The following IFNGR1 variants were observed in gnomAD, a reference collection of about 807,000 sequenced individuals.
IFNGR1 encodes the protein AVP, type 2.
In IFNGR1, 23 loss-of-function variants were observed where a neutral mutation model predicts 35.4. That is an observed-to-expected ratio of 0.65 (90% CI 0.47 to 0.92). IFNGR1 has a LOEUF of 0.92. Ranked by LOEUF, IFNGR1 falls within the 40% of genes least tolerant of loss-of-function variation. IFNGR1 has a pLI of 0.00. For missense variants in IFNGR1, 533 were observed against 583.4 expected (o/e 0.91, Z 0.89); for synonymous variants, 199 against 209.5 (o/e 0.95, Z 0.43).
In IFNGR1 at chr6:137,197,918, T is replaced by C. The variant is rs1223593817; in HGVS notation, c.*113A>G. On this transcript the variant is annotated 3_prime_UTR_variant, in exon 7 of 7. Transcript: ENST00000367739. ...CTTTCATGTACACTAAGTCACTCCATTTGGTTGATACCAACTAAGATACAA... is the reference window on the plus strand; with the variant it reads ...CTTTCATGTACACTAAGTCACTCCACTTGGTTGATACCAACTAAGATACAA... 5 of 1,413,102 alleles carry C rather than the reference T, an allele frequency of 3.5e-6. No individual in the cohort carries two copies. The highest frequency in any genetic ancestry group is 1.2e-5 in the South Asian group (1 of 85,286). The allele number at this position is 1,413,102 out of a possible 1,614,324, so 87.5% of individuals were successfully genotyped here. A position where few individuals can be genotyped will look rare whatever the true frequency, so the allele number is the denominator to read the frequency against.
At chr6:137,208,103 C>T (rs1779485327) in intron 1 of IFNGR1, among the ~76,000 whole-genome samples, 2 of 152,232 alleles carry the variant, frequency 1.3e-5, no homozygotes, top group Admixed American at 1.3e-4. Context: ...CGGCATTTTG[C>T]CCCTGCCCCA....
chr6:137,200,065 C>CT (rs1358335207), intron 6 of IFNGR1, among the ~76,000 whole-genome samples: 1 of 152,054 alleles, frequency 6.6e-6, no homozygotes, highest in Non-Finnish European at 1.5e-5. Flanking sequence ...ATCCAGGTTT[C>CT]TTTTTTCTTC....
Position 137,208,094 on chromosome 6 carries a change from G to A in IFNGR1, c.86-1017C>T, listed in dbSNP as rs569421657. On this transcript the variant is annotated intron_variant, in intron 1 of 6. Transcript: ENST00000367739. ...GCTATGTTTTAGCAAAGAGACTGGC[G>A]GCATTTTGCCCCTGCCCCAGAGATT... 5.9e-5 allele frequency among the ~76,000 whole-genome samples: 9 copies of A among 152,286 alleles called. No individual in the cohort carries two copies. In the South Asian group the frequency reaches 1.0e-3, roughly 18 times the overall value.
intron 4 of IFNGR1, 123 bp from the exon 5 acceptor site, chr6:137,203,808 T>A: frequency 1.3e-6 from 1 of 790,402 alleles, no homozygotes; most frequent in Non-Finnish European, 2.1e-6. Flanking sequence ...TGAACATGTC[T>A]AAAAATAGCT....
chr6:137,210,807 T>A (rs1278506579), intron 1 of IFNGR1, among the ~76,000 whole-genome samples: 5 of 152,222 alleles, frequency 3.3e-5, no homozygotes, highest in African/African-American at 1.2e-4. Context: ...GATATTTGCT[T>A]ACTGCTGAAG....
chr6:137,217,343 G>A (rs1779725558), intron 1 of IFNGR1, among the ~76,000 whole-genome samples: 1 of 152,122 alleles, frequency 6.6e-6, no homozygotes, highest in Non-Finnish European at 1.5e-5. Flanking sequence ...AGTAAATAAT[G>A]ACTGACTTCA....
intron 1 of IFNGR1, chr6:137,218,477 A>G: frequency 7.8e-7 from 1 of 1,288,670 alleles, no homozygotes; most frequent in African/African-American, 1.5e-5. Flanking sequence ...GAGTGCCGGC[A>G]ATCCACCACT....
chr6:137,218,419 T>G, intron 1 of IFNGR1: 1 of 1,086,216 alleles, frequency 9.2e-7, no homozygotes, highest in Non-Finnish European at 1.2e-6. Context: ...AATAAAATGC[T>G]CCGAAGAACA....
rs1779350977 is a variant in IFNGR1, at chr6:137,203,681, T to C, written c.551A>G (p.Gln184Arg). ...TTCCTTCTGCGTGAGTATTTTATAC[T>C]GGATCTAGATGAAAAAAGAAAACAG... ...VYVRMNGSEI[Q>R]YKILTQKEDD... The change falls in exon 5 of 7, where the codon CAG becomes CGG. Residue 184 changes from glutamine to arginine, a missense_variant. Transcript: ENST00000367739. The C allele has an allele frequency of 6.2e-7, 1 of 1,611,580 alleles. No homozygotes were observed.
Position 137,204,415 on chromosome 6 carries a change from C to T in IFNGR1, c.463G>A (p.Asp155Asn). 6.2e-7 allele frequency: 1 copy of T among 1,613,880 alleles called. No homozygotes were observed. Among genetic ancestry groups the T allele is most frequent in the Non-Finnish European group, 8.5e-7 (1 of 1,179,790 alleles). The part of the protein sequence containing the change: ...IFHPSVFVNG[D>N]EQEVDYDPET... The stretch of plus-strand genomic sequence containing the variant: ...GGATCATAATCGACTTCCTGCTCGT[C>T]TCCATTTACAAAAACTGAAGGGTGA... The change falls in exon 4 of 7, where the codon GAC becomes AAC. Residue 155 changes from aspartate to asparagine, a missense_variant. Physicochemically the swap from Asp to Asn is conservative, Grantham distance 23. Coordinates refer to ENST00000367739, the MANE Select transcript of IFNGR1 (RefSeq NM_000416.3).
chr6:137,204,953 C>G (rs574970944), intron 3 of IFNGR1, among the ~76,000 whole-genome samples: 171 of 152,270 alleles, frequency 1.1e-3, no homozygotes, highest in Admixed American at 2.0e-3. Flanking sequence ...AGAACTTATT[C>G]CATAAATATT....
chr6:137,198,650 A>G lies in IFNGR1; in HGVS notation c.862-11T>C. The G allele has an allele frequency of 6.2e-7, 1 of 1,602,110 alleles. No homozygotes were observed. ...TCTTACCACAGAGATCTATGGGGAG[A>G]AAAATTGATTAAAGATAAAAAATTG... On this transcript the variant is annotated splice_polypyrimidine_tract_variant and intron_variant, in intron 6 of 6. Transcript: ENST00000367739.
intron 1 of IFNGR1, among the ~76,000 whole-genome samples, chr6:137,217,776 TG>T (rs1779741475): frequency 6.6e-6 from 1 of 152,204 alleles, no homozygotes; most frequent in Non-Finnish European, 1.5e-5. Flanking sequence ...ACACATAATA[TG>T]GCAATTCATT....
intron 5 of IFNGR1, among the ~76,000 whole-genome samples, chr6:137,202,700 C>CT (rs1296985737): frequency 2.7e-5 from 4 of 150,796 alleles, no homozygotes; most frequent in Non-Finnish European, 5.9e-5. Flanking sequence ...TACACAAAAT[C>CT]ATATATACTA....
chr6:137,200,063 T>A (rs957364132), intron 6 of IFNGR1, among the ~76,000 whole-genome samples: 3 of 152,176 alleles, frequency 2.0e-5, no homozygotes, highest in Non-Finnish European at 4.4e-5. Flanking sequence ...ATATCCAGGT[T>A]TCTTTTTTCT....
At chr6:137,216,942 C>T (rs961570971) in intron 1 of IFNGR1, among the ~76,000 whole-genome samples, 2 of 152,166 alleles carry the variant, frequency 1.3e-5, no homozygotes, top group East Asian at 1.9e-4. Context: ...GATCTTCCCA[C>T]GGGAGGCAGA....
chr6:137,202,034 C>T (rs553714384), intron 5 of IFNGR1, among the ~76,000 whole-genome samples: 1 of 152,016 alleles, frequency 6.6e-6, no homozygotes, highest in African/African-American at 2.4e-5. Flanking sequence ...CATACTGTGA[C>T]AATGTCCGGC....
rs778036909 is a variant in IFNGR1 at position 137,203,552 on chromosome 6, G to GT, written c.679dup (p.Thr227AsnfsTer3). The GT allele has an allele frequency of 6.2e-7, 1 of 1,613,248 alleles. No homozygotes were observed. The highest frequency in any genetic ancestry group is 2.2e-5 in the East Asian group (1 of 44,832). ...ACAAACTTCTTTTGACTTTTCAGTTGTAACACCCCACACATGTAAGACTCC... is the reference window on the plus strand; with the variant it reads ...ACAAACTTCTTTTGACTTTTCAGTTGTTAACACCCCACACATGTAAGACTCC... On this transcript the variant is annotated frameshift_variant, in exon 5 of 7. Coordinates refer to ENST00000367739, the MANE Select transcript of IFNGR1 (RefSeq NM_000416.3). LOFTEE classifies it high-confidence loss of function.
chr6:137,218,552 G>A (rs1375388230), intron 1 of IFNGR1: 5 of 1,285,260 alleles, frequency 3.9e-6, no homozygotes, highest in Admixed American at 2.3e-5. Context: ...CTCAGCTGGC[G>A]ACATAATGCA....
Sources: gnomAD v4.1 joint callset for allele counts (sites outside exome capture counted in the v4.1 genomes callset) on GRCh38, gnomAD v4.1.1 for gene constraint, MANE v1.5 for transcripts, NCBI Gene and HGNC (gene_info 2026-07-23, HGNC 2026-07-21) for gene names.